The following BCKDHB variants were observed in gnomAD, a reference collection of about 807,000 sequenced individuals.
BCKDHB encodes branched chain keto acid dehydrogenase E1 subunit beta.
In BCKDHB, 41 loss-of-function variants were observed where a neutral mutation model predicts 48.5. The observed-to-expected ratio is 0.85, with a 90% CI of 0.66 to 1.10. The LOEUF is 1.10. BCKDHB is among the 50% of genes least tolerant of loss of function. BCKDHB has a pLI of 0.00. For missense variants in BCKDHB, 496 were observed against 494.2 expected (o/e 1.00, Z -0.03); for synonymous variants, 201 against 174.8 (o/e 1.15, Z -1.18).
intron 8 of BCKDHB, among the ~76,000 whole-genome samples, chr6:80,230,493 A>AT (rs1468615607): frequency 2.0e-5 from 3 of 152,222 alleles, no homozygotes; most frequent in African/African-American, 7.2e-5. Context: ...GATTTGACAT[A>AT]TGGAACAGGG....
intron 8 of BCKDHB, among the ~76,000 whole-genome samples, chr6:80,243,174 A>G (rs3812125): frequency 6.6e-6 from 1 of 152,208 alleles, no homozygotes; most frequent in African/African-American, 2.4e-5. Flanking sequence ...ACCACCTGGT[A>G]CTGAGACTAG....
chr6:80,441,560 A>G, the BCKDHB span, among the ~76,000 whole-genome samples: 1 of 152,194 alleles, frequency 6.6e-6, no homozygotes, highest in Non-Finnish European at 1.5e-5. Context: ...TTAAAATAAC[A>G]TATAATAAAC....
In BCKDHB at chr6:80,246,035, C is replaced by T. The variant is rs190857888; in HGVS notation, c.952-27100C>T. On this transcript the variant is annotated intron_variant, in intron 8 of 9. Coordinates refer to ENST00000320393, the MANE Select transcript of BCKDHB (RefSeq NM_183050.4). ...AGGTTGCAGTAATCTGAGATGACTC[C>T]CCTGCACTCCAATGTGTGTGACAGA... Among the ~76,000 whole-genome samples the T allele has an allele frequency of 4.6e-5, 7 of 152,208 alleles. No individual in the cohort carries two copies. The East Asian group carries it at 1.2e-3, about 25-fold the overall frequency.
At chr6:80,320,529 CA>C (rs1768669666) in intron 9 of BCKDHB, among the ~76,000 whole-genome samples, 1 of 152,106 alleles carries the variant, frequency 6.6e-6, no homozygotes, top group Admixed American at 6.5e-5. Flanking sequence ...TAATAGGACC[CA>C]AATCTAAGTC....
At chr6:80,188,651 C>T (rs150017954) in intron 6 of BCKDHB, among the ~76,000 whole-genome samples, 102 of 152,044 alleles carry the variant, frequency 6.7e-4, no homozygotes, top group African/African-American at 2.3e-3. Context: ...AAAAACCCTC[C>T]AAAACCCCAA....
intron 6 of BCKDHB, among the ~76,000 whole-genome samples, chr6:80,188,353 T>TGAGGGTG (rs1334528774): frequency 1.3e-5 from 2 of 152,032 alleles, no homozygotes; most frequent in African/African-American, 4.8e-5. Context: ...GGGATCTACC[T>TGAGGGTG]GAGGGTGGAG....
At chr6:80,390,691 G>A in the BCKDHB span, among the ~76,000 whole-genome samples, 12 of 152,084 alleles carry the variant, frequency 7.9e-5, no homozygotes, top group Non-Finnish European at 1.5e-4. Context: ...CCTTACTATT[G>A]TCTTTCTTTA....
intron 8 of BCKDHB, among the ~76,000 whole-genome samples, chr6:80,236,941 A>G (rs956167333): frequency 6.6e-6 from 1 of 152,186 alleles, no homozygotes; most frequent in Admixed American, 6.6e-5. Flanking sequence ...TTTCATGTAG[A>G]TATACTTTGA....
At chr6:80,155,954 C>T (rs1772026151) in intron 3 of BCKDHB, among the ~76,000 whole-genome samples, 1 of 151,008 alleles carries the variant, frequency 6.6e-6, no homozygotes. Flanking sequence ...AAACATTTGC[C>T]ACAGCTCCAT....
rs1368046904 is a variant in BCKDHB, at chr6:80,208,555, TTTAAC to T, written c.951+5345_951+5349del. On this transcript the variant is annotated intron_variant, in intron 8 of 9. Coordinates refer to ENST00000320393, the MANE Select transcript of BCKDHB (RefSeq NM_183050.4). ...AAGAGATTAATGTAATTGATAAACT[TTTAAC>T]TAATGGAAAAAATAGGGTAGAAACA... 2.0e-5 allele frequency among the ~76,000 whole-genome samples: 3 copies of T among 151,708 alleles called. No individual in the cohort carries two copies. The East Asian group carries it at 5.8e-4, about 29-fold the overall frequency.
chr6:80,431,296 G>C, the BCKDHB span, among the ~76,000 whole-genome samples: 1 of 152,316 alleles, frequency 6.6e-6, no homozygotes, highest in African/African-American at 2.4e-5. Context: ...TGTATATTCT[G>C]TTGATTTGGG....
At chr6:80,397,330 A>G in the BCKDHB span, among the ~76,000 whole-genome samples, 1 of 152,042 alleles carries the variant, frequency 6.6e-6, no homozygotes, top group African/African-American at 2.4e-5. Context: ...AATTTTGTTG[A>G]TATCTTTTGT....
the BCKDHB span, among the ~76,000 whole-genome samples, chr6:80,430,799 T>G: frequency 1.3e-5 from 2 of 152,110 alleles, no homozygotes; most frequent in Non-Finnish European, 2.9e-5. Context: ...ATTTGAAGGG[T>G]TTTTTGTGTC....
At chr6:80,375,107 G>C in the BCKDHB span, among the ~76,000 whole-genome samples, 1 of 151,906 alleles carries the variant, frequency 6.6e-6, no homozygotes, top group African/African-American at 2.4e-5. Context: ...TTTACTTTAG[G>C]TAACCTGATG....
intron 6 of BCKDHB, among the ~76,000 whole-genome samples, chr6:80,174,557 G>T (rs375060220): frequency 6.6e-6 from 1 of 152,094 alleles, no homozygotes; most frequent in African/African-American, 2.4e-5. Flanking sequence ...AAAAATTTGC[G>T]TATAAGTGGA....
intron 1 of BCKDHB, among the ~76,000 whole-genome samples, chr6:80,121,515 G>A (rs577298488): frequency 6.6e-6 from 1 of 152,290 alleles, no homozygotes; most frequent in African/African-American, 2.4e-5. Flanking sequence ...TCTTCCATTT[G>A]TTTGTGTCCT....
intron 8 of BCKDHB, among the ~76,000 whole-genome samples, chr6:80,235,631 A>G (rs1376970012): frequency 6.6e-6 from 1 of 152,342 alleles, no homozygotes; most frequent in East Asian, 1.9e-4. Context: ...CTTGATTGCC[A>G]CATTAATTAT....
chr6:80,298,219 T>A (rs913242483), intron 9 of BCKDHB, among the ~76,000 whole-genome samples: 2 of 152,150 alleles, frequency 1.3e-5, no homozygotes, highest in East Asian at 3.9e-4. Context: ...TTCAAGTGAT[T>A]CTCATACCTT....
At chr6:80,420,480 G>A in the BCKDHB span, among the ~76,000 whole-genome samples, 1 of 152,186 alleles carries the variant, frequency 6.6e-6, no homozygotes, top group Non-Finnish European at 1.5e-5. Context: ...CTAGAGCAGT[G>A]CCCTGAAATG....
Sources: allele counts gnomAD v4.1 joint callset (sites outside exome capture counted in the v4.1 genomes callset), GRCh38; gene constraint gnomAD v4.1.1; transcripts MANE v1.5; gene names NCBI Gene and HGNC (gene_info 2026-07-23, HGNC 2026-07-21).